MAST4: variants seen among roughly 807,000 people sequenced by gnomAD.
MAST4 encodes the protein microtubule associated serine/threonine kinase family member 4.
A neutral mutation model predicts 162.7 loss-of-function variants in MAST4; 89 were observed. The ratio of observed to expected loss-of-function variants is 0.55; its 90% CI spans 0.46 to 0.65. MAST4 has a LOEUF of 0.65. MAST4 is among the 30% of genes least tolerant of loss of function. The pLI is 0.00. For synonymous variants in MAST4, 1,479 were observed against 1,361.1 expected, an observed-to-expected ratio of 1.09 and a Z score of -1.91; for missense variants, 3,153 against 3,374.0, an observed-to-expected ratio of 0.93 and a Z score of 1.62.
chr5:66,699,628 G>A (rs1312500946), intron 1 of MAST4, among the ~76,000 whole-genome samples: 2 of 152,128 alleles, frequency 1.3e-5, no homozygotes, highest in African/African-American at 4.8e-5. Flanking sequence ...GATGAAGCTG[G>A]AAACCATCAG....
At chr5:67,043,913 AG>A (rs1757066479) in intron 4 of MAST4, among the ~76,000 whole-genome samples, 1 of 152,146 alleles carries the variant, frequency 6.6e-6, no homozygotes, top group Non-Finnish European at 1.5e-5. Context: ...TCTGTCTCAT[AG>A]GTATTTGATC....
At chr5:66,658,824 C>T (rs1012331466) in intron 1 of MAST4, among the ~76,000 whole-genome samples, 1 of 152,076 alleles carries the variant, frequency 6.6e-6, no homozygotes, top group African/African-American at 2.4e-5. Context: ...GAGTTCCAGA[C>T]TAGCCTGAGC....
intron 4 of MAST4, among the ~76,000 whole-genome samples, chr5:66,935,346 CT>C (rs1274380934): frequency 6.6e-6 from 1 of 152,140 alleles, no homozygotes; most frequent in African/African-American, 2.4e-5. Context: ...TTATCATTAG[CT>C]TTTTTATGAG....
Position 67,144,695 on chromosome 5 carries a change from T to C in MAST4, c.2757T>C (p.Thr919=), listed in dbSNP as rs1296304060. 6.2e-7 allele frequency: 1 copy of C among 1,613,756 alleles called. No homozygotes were observed. Among genetic ancestry groups the C allele is most frequent in the Non-Finnish European group, 8.5e-7 (1 of 1,179,836 alleles). Residue 919 remains threonine, a synonymous_variant, in exon 22 of 29, where the codon ACT becomes ACC. Coordinates refer to ENST00000403625, the MANE Select transcript of MAST4 (RefSeq NM_001164664.2). ...TTTTCAGCAGTATAGATCGAATCAC[T>C]CAGAATTCAGCAGAAGAGAAGGAAG... ...SKVFSSIDRI[T]QNSAEEKEDS... is the part of the protein sequence containing the mutation.
At chr5:67,073,453 C>T (rs760687920) in intron 5 of MAST4, among the ~76,000 whole-genome samples, 10 of 152,192 alleles carry the variant, frequency 6.6e-5, no homozygotes, top group Non-Finnish European at 1.2e-4. Flanking sequence ...AGGCAGGACT[C>T]GGCTCACGAT....
At chr5:67,106,782 CTT>C (rs761919757) in intron 10 of MAST4, among the ~76,000 whole-genome samples, 4 of 152,198 alleles carry the variant, frequency 2.6e-5, no homozygotes, top group Non-Finnish European at 5.9e-5. Context: ...TGTGGTCTCA[CTT>C]TACCAGCAGA....
chr5:66,719,288 G>A (rs1751048896), intron 1 of MAST4, among the ~76,000 whole-genome samples: 1 of 152,144 alleles, frequency 6.6e-6, no homozygotes, highest in Non-Finnish European at 1.5e-5. Context: ...CTTTTTTGGA[G>A]GAAATATAAA....
At chr5:66,833,615 A>G (rs1757761139) in intron 3 of MAST4, among the ~76,000 whole-genome samples, 2 of 152,166 alleles carry the variant, frequency 1.3e-5, no homozygotes, top group Admixed American at 1.3e-4. Context: ...AACTGCATGT[A>G]TCCCGTTTAC....
At chr5:66,873,873 T>A (rs1416915595) in intron 3 of MAST4, among the ~76,000 whole-genome samples, 5 of 152,222 alleles carry the variant, frequency 3.3e-5, no homozygotes, top group African/African-American at 4.8e-5. Flanking sequence ...TATTAGGCAG[T>A]CTTCTCTCAG....
chr5:67,072,307 T>A (rs1362465030), intron 5 of MAST4, among the ~76,000 whole-genome samples: 2 of 152,202 alleles, frequency 1.3e-5, no homozygotes, highest in Non-Finnish European at 2.9e-5. Flanking sequence ...TAGCAGCGTG[T>A]CAAATGTTCA....
At chr5:66,716,224 G>T (rs1381391286) in intron 1 of MAST4, among the ~76,000 whole-genome samples, 5 of 152,106 alleles carry the variant, frequency 3.3e-5, no homozygotes, top group African/African-American at 1.2e-4. Context: ...TTAAAAGCTT[G>T]AATAAAAGCA....
At chr5:66,936,545 G>A (rs2042990) in intron 4 of MAST4, among the ~76,000 whole-genome samples, 6,483 of 152,218 alleles carry the variant, frequency 0.043, 218 homozygotes, top group Middle Eastern at 0.078. Context: ...GTTCTCTGAC[G>A]GGCAGGAGTA....
intron 23 of MAST4, 70 bp downstream of exon 23, chr5:67,145,449 G>A (rs963116732): frequency 7.3e-7 from 1 of 1,363,634 alleles, no homozygotes; most frequent in Non-Finnish European, 1.0e-6. Context: ...TCAGTCCCAG[G>A]GCGGGCCTCG....
intron 4 of MAST4, among the ~76,000 whole-genome samples, chr5:66,941,065 T>A (rs1354543122): frequency 6.6e-6 from 1 of 152,174 alleles, no homozygotes; most frequent in Non-Finnish European, 1.5e-5. Flanking sequence ...AAATATTTCA[T>A]AAATTATGCT....
At chr5:66,647,284 G>A (rs545550109) in intron 1 of MAST4, among the ~76,000 whole-genome samples, 1 of 152,192 alleles carries the variant, frequency 6.6e-6, no homozygotes, top group African/African-American at 2.4e-5. Flanking sequence ...AAATGGTGAG[G>A]TAGGAGAGCC....
chr5:67,163,205 G>T lies in MAST4; in HGVS notation c.4026G>T (p.Gly1342=). 2 of 1,613,770 alleles carry T rather than the reference G, an allele frequency of 1.2e-6. No individual in the cohort carries two copies. Among genetic ancestry groups the T allele is most frequent in the Non-Finnish European group, 1.7e-6 (2 of 1,179,812 alleles). ...CTAGTGCCCCCAATTCCCCAGCAGG[G>T]TCCGGGCACATCCGGCCCAGCACTC... ...PSSSAPNSPA[G]SGHIRPSTLH... is the part of the protein sequence containing the mutation. The change falls in exon 29 of 29, where the codon GGG becomes GGT. Residue 1342 remains glycine (G), a synonymous_variant. Transcript: ENST00000403625. This position sits in a 1 kb window ranked among gnomAD's most constrained non-coding sequence, Gnocchi z 7.0.
In MAST4 at chr5:67,166,838, G is replaced by T. The variant is rs56206043; in HGVS notation, c.7659G>T (p.Val2553=). 9 of 1,603,968 alleles carry T rather than the reference G, an allele frequency of 5.6e-6. No homozygotes were observed. The East Asian group carries it at 2.0e-4, about 36-fold the overall frequency. The part of the protein sequence containing the change: ...GASHRDRALS[V]TATVGETKGK... Reference sequence around the variant, plus strand: ...GCCACCGGGACAGGGCTCTCTCGGTGACTGCCACCGTAGGGGAAACCAAAG... The same window carrying T: ...GCCACCGGGACAGGGCTCTCTCGGTTACTGCCACCGTAGGGGAAACCAAAG... Residue 2553 remains valine, a synonymous_variant, in exon 29 of 29, where the codon GTG becomes GTT. Coordinates refer to ENST00000403625, the MANE Select transcript of MAST4 (RefSeq NM_001164664.2).
At chr5:66,743,200 TC>T (rs1361315838) in intron 1 of MAST4, among the ~76,000 whole-genome samples, 1 of 152,200 alleles carries the variant, frequency 6.6e-6, no homozygotes, top group Non-Finnish European at 1.5e-5. Context: ...CACAGCCTTT[TC>T]TTCTTTCTTT....
chr5:66,803,950 T>TG (rs970748120), intron 3 of MAST4, among the ~76,000 whole-genome samples: 4 of 151,726 alleles, frequency 2.6e-5, no homozygotes, highest in African/African-American at 7.2e-5. Context: ...TTTTTTTTTT[T>TG]AAAAAGCTCT....
Sources: gnomAD v4.1 joint callset for allele counts (sites outside exome capture counted in the v4.1 genomes callset) on GRCh38, gnomAD v4.1.1 for gene constraint, Gnocchi (gnomAD v3.1) non-coding constraint, MANE v1.5 for transcripts, NCBI Gene and HGNC (gene_info 2026-07-23, HGNC 2026-07-21) for gene names.